The following RARS2 variants were observed in gnomAD, a reference collection of about 807,000 sequenced individuals.
The protein encoded by RARS2 is arginyl-tRNA synthetase 2, mitochondrial.
Under a neutral mutation model 88.5 loss-of-function variants are expected in RARS2, and 67 were observed. That is an observed-to-expected ratio of 0.76 (90% CI 0.62 to 0.93). RARS2 has a LOEUF of 0.93. Among genes scored for constraint, RARS2 ranks in the 40% least tolerant of loss-of-function variants. The pLI is 0.00. For missense variants in RARS2, 664 were observed against 684.2 expected, an observed-to-expected ratio of 0.97 and a Z score of 0.33; for synonymous variants, 239 against 230.3, an observed-to-expected ratio of 1.04 and a Z score of -0.34.
chr6:87,540,903 C>G (rs1322014452), intron 8 of RARS2, among the ~76,000 whole-genome samples: 1 of 151,868 alleles, frequency 6.6e-6, no homozygotes, highest in Non-Finnish European at 1.5e-5. Flanking sequence ...AAAGCACACA[C>G]AATTTCAGAG....
intron 18 of RARS2, chr6:87,515,790 T>C (rs1205741824): frequency 6.6e-6 from 1 of 151,874 alleles, no homozygotes; most frequent in East Asian, 1.9e-4. Flanking sequence ...TAAAATGACA[T>C]TTCATAAGAC....
chr6:87,588,238 T>C (rs1326678846), intron 1 of RARS2, among the ~76,000 whole-genome samples: 1 of 152,254 alleles, frequency 6.6e-6, no homozygotes, highest in Non-Finnish European at 1.5e-5. Flanking sequence ...TGGTTTACTG[T>C]CTACATTAAC....
chr6:87,514,504 A>C lies in RARS2; in HGVS notation c.1651-5T>G. 3 of 1,598,674 alleles carry C rather than the reference A, an allele frequency of 1.9e-6. No individual in the cohort carries two copies. The highest frequency in any genetic ancestry group is 2.6e-6 in the Non-Finnish European group (3 of 1,166,112). On this transcript the variant is annotated splice_polypyrimidine_tract_variant and splice_region_variant and intron_variant, in intron 19 of 19. Coordinates refer to ENST00000369536, the MANE Select transcript of RARS2 (RefSeq NM_020320.5). The stretch of plus-strand genomic sequence containing the variant: ...TTTGAAAAGATGAAGTCTGGCCTAC[A>C]AAATAAATCAAAGAATGATTTAAAA...
chr6:87,545,989 A>G (rs1281687440), intron 6 of RARS2, among the ~76,000 whole-genome samples: 1 of 152,042 alleles, frequency 6.6e-6, no homozygotes, highest in Non-Finnish European at 1.5e-5. Context: ...CTGCTATTCT[A>G]GTCAATTTCA....
At chr6:87,571,970 T>C (rs1325362487) in intron 1 of RARS2, among the ~76,000 whole-genome samples, 2 of 152,190 alleles carry the variant, frequency 1.3e-5, no homozygotes, top group African/African-American at 4.8e-5. Flanking sequence ...CTTTAGGATG[T>C]ATTTACAGAA....
intron 8 of RARS2, among the ~76,000 whole-genome samples, chr6:87,541,696 C>T (rs1036653199): frequency 5.3e-5 from 8 of 152,004 alleles, no homozygotes; most frequent in South Asian, 2.1e-4. Flanking sequence ...TGGTGGCATA[C>T]GCCTGTAGTC....
At chr6:87,549,411 T>C (rs1242805029) in intron 5 of RARS2, among the ~76,000 whole-genome samples, 12 of 151,348 alleles carry the variant, frequency 7.9e-5, no homozygotes, top group Admixed American at 7.9e-4. Flanking sequence ...ATTAGTCAGG[T>C]GTGGTGGTGC....
rs9450740 is a variant in RARS2 at position 87,564,253 on chromosome 6, G to A, written c.111-21C>T. ...CTTCTCTAAAGACAGACATCGAAAC[G>A]AGATAGAACTGTTACCTTAAAAGCA... On this transcript the variant is annotated intron_variant, in intron 2 of 19. Coordinates refer to ENST00000369536, the MANE Select transcript of RARS2 (RefSeq NM_020320.5). The A allele has an allele frequency of 0.29, 434,652 of 1,520,716 alleles. 64,802 individuals are homozygous for A. The highest frequency in any genetic ancestry group is 0.44 in the Admixed American group (26,285 of 59,774). The allele number at this position is 1,520,716 out of a possible 1,614,324, so 94.2% of individuals were successfully genotyped here.
chr6:87,522,026 C>T (rs554640186), intron 11 of RARS2, among the ~76,000 whole-genome samples: 6 of 152,190 alleles, frequency 3.9e-5, no homozygotes, highest in South Asian at 2.1e-4. Flanking sequence ...TACCTTCTAA[C>T]GCATTTAAAA....
Position 87,518,839 on chromosome 6 carries a change from T to C in RARS2, c.1290A>G (p.Ala430=), listed in dbSNP as rs768352579. Residue 430 remains alanine, a synonymous_variant, in exon 15 of 20, where the codon GCA becomes GCG. Coordinates refer to ENST00000369536, the MANE Select transcript of RARS2 (RefSeq NM_020320.5). ...CTTAACAGACCTGAATAATGAGTGCTGCGAGCCCGACCCTCTCTGCAGTCT... is the reference window on the plus strand; with the variant it reads ...CTTAACAGACCTGAATAATGAGTGCCGCGAGCCCGACCCTCTCTGCAGTCT... The part of the protein sequence containing the change: ...PQETAERVGL[A]ALIIQDFKGL... 1 of 1,614,114 alleles carries C rather than the reference T, an allele frequency of 6.2e-7. No individual in the cohort carries two copies. Among genetic ancestry groups the C allele is most frequent in the Non-Finnish European group, 8.5e-7 (1 of 1,179,958 alleles).
rs1258569046 is a variant in RARS2 at position 87,529,572 on chromosome 6, A to T, written c.848T>A (p.Leu283Gln). 7.9e-5 allele frequency: 126 copies of T among 1,603,720 alleles called. No homozygotes were observed. The highest frequency in any genetic ancestry group is 1.1e-4 in the Non-Finnish European group (125 of 1,170,506). The change falls in exon 10 of 20, where the codon CTG becomes CAG. Residue 283 changes from leucine (L) to glutamine (Q), a missense_variant. By Grantham distance (113) the Leu-to-Gln change is moderately radical. Transcript: ENST00000369536. ...TTTCAGTAGGAGTCCTTTACTCTCC[A>T]GCAACTTTAAGACCTCTTGAGATTT... Reference protein sequence around the residue: ...REKSQEVLKLLESKGLLLKTI... With the variant: ...REKSQEVLKLQESKGLLLKTI...
intron 5 of RARS2, among the ~76,000 whole-genome samples, chr6:87,550,521 A>T (rs1783988659): frequency 6.6e-6 from 1 of 151,256 alleles, no homozygotes; most frequent in African/African-American, 2.4e-5. Context: ...AATAATACAG[A>T]TAAAAGTAAA....
rs867275320 is a variant in RARS2 at position 87,575,846 on chromosome 6, C to A, written c.37-6256G>T. On this transcript the variant is annotated intron_variant, in intron 1 of 19. Transcript: ENST00000369536. Reference sequence around the variant, plus strand: ...TTTTTTTTTTTTTGAGATGGAGTTTCGCTTTTGTCACCCAGGCTAGAGGGC... The same window carrying A: ...TTTTTTTTTTTTTGAGATGGAGTTTAGCTTTTGTCACCCAGGCTAGAGGGC... Among the ~76,000 whole-genome samples, 8 of 148,802 alleles carry A rather than the reference C, an allele frequency of 5.4e-5. 1 individual carries two copies. The South Asian group carries it at 1.5e-3, about 28-fold the overall frequency.
intron 1 of RARS2, among the ~76,000 whole-genome samples, chr6:87,587,095 G>A (rs984997509): frequency 6.6e-6 from 1 of 151,936 alleles, no homozygotes; most frequent in African/African-American, 2.4e-5. Context: ...TAGTTTCCCA[G>A]GCTGGTCTTG....
intron 19 of RARS2, 128 bp downstream of exon 19, chr6:87,514,829 A>G (rs1241784470): frequency 1.3e-6 from 1 of 792,678 alleles, no homozygotes; most frequent in African/African-American, 1.7e-5. Context: ...CAGCCTAATT[A>G]TTAGCTAAGG....
intron 1 of RARS2, among the ~76,000 whole-genome samples, chr6:87,588,706 T>A (rs1458351882): frequency 6.6e-6 from 1 of 152,192 alleles, no homozygotes; most frequent in Non-Finnish European, 1.5e-5. Flanking sequence ...CCTCAATAGT[T>A]TATGCCTTAA....
At chr6:87,561,705 G>C (rs1472648844) in intron 4 of RARS2, among the ~76,000 whole-genome samples, 1 of 152,168 alleles carries the variant, frequency 6.6e-6, no homozygotes, top group Admixed American at 6.5e-5. Context: ...TGATTTTACT[G>C]TGACACTGAG....
intron 6 of RARS2, among the ~76,000 whole-genome samples, chr6:87,547,556 A>G (rs1266976235): frequency 6.6e-6 from 1 of 152,230 alleles, no homozygotes; most frequent in Non-Finnish European, 1.5e-5. Context: ...GACATGTGTT[A>G]AATGAAAATC....
chr6:87,536,615 C>T (rs1281778188), intron 8 of RARS2, among the ~76,000 whole-genome samples: 11 of 139,902 alleles, frequency 7.9e-5, no homozygotes, highest in African/African-American at 2.7e-4. Flanking sequence ...CCAGCCTGGG[C>T]AACAGGGCAA....
Sources: gnomAD v4.1 joint callset for allele counts (sites outside exome capture counted in the v4.1 genomes callset) on GRCh38, gnomAD v4.1.1 for gene constraint, MANE v1.5 for transcripts, NCBI Gene and HGNC (gene_info 2026-07-23, HGNC 2026-07-21) for gene names.